GALNTL6: variants seen among roughly 807,000 people sequenced by gnomAD.
GALNTL6 encodes the protein polypeptide N-acetylgalactosaminyltransferase like 6.
GALNTL6 carries 46 observed loss-of-function variants against 73.7 expected under a neutral mutation model. That is an observed-to-expected ratio of 0.62 (90% CI 0.49 to 0.80). The LOEUF (loss-of-function observed/expected upper bound fraction) is 0.80, where lower values mean the gene tolerates loss of function less well. Ranked by LOEUF, GALNTL6 falls within the 30% of genes least tolerant of loss-of-function variation. The pLI is 0.00. For synonymous variants in GALNTL6, 259 were observed against 263.7 expected (o/e 0.98, Z 0.17); for missense variants, 604 against 755.0 (o/e 0.80, Z 2.34).
At chr4:172,635,239 A>G (rs1440022141) in intron 5 of GALNTL6, among the ~76,000 whole-genome samples, 2 of 152,174 alleles carry the variant, frequency 1.3e-5, no homozygotes, top group African/African-American at 4.8e-5. Flanking sequence ...TAAATGTTAT[A>G]TAAATCAGTT....
At chr4:172,564,774 A>G (rs188310909) in intron 5 of GALNTL6, among the ~76,000 whole-genome samples, 115 of 152,364 alleles carry the variant, frequency 7.5e-4, no homozygotes, top group Non-Finnish European at 8.7e-4. Flanking sequence ...AGGAGAATCC[A>G]GAGAGACAGA....
In GALNTL6 at chr4:172,427,209, G is replaced by A. The variant is rs369585830; in HGVS notation, c.553+78520G>A. ...ACCCAAGACTGGGTAATTTATAAAG[G>A]AAAGAGGTTTAATGGATTCACAGTT... On this transcript the variant is annotated intron_variant, in intron 5 of 12. Transcript: ENST00000506823. Among the ~76,000 whole-genome samples, 35 of 152,198 alleles carry A rather than the reference G, an allele frequency of 2.3e-4. No individual in the cohort carries two copies. In the South Asian group the frequency reaches 2.7e-3, roughly 12 times the overall value.
At chr4:172,965,362 G>A (rs561155697) in intron 10 of GALNTL6, among the ~76,000 whole-genome samples, 2 of 152,242 alleles carry the variant, frequency 1.3e-5, no homozygotes, top group East Asian at 3.9e-4. Context: ...TGAGGCAGGA[G>A]GATCACAAGG....
intron 8 of GALNTL6, among the ~76,000 whole-genome samples, chr4:172,896,191 C>A (rs145792029): frequency 1.3e-5 from 2 of 152,284 alleles, no homozygotes; most frequent in African/African-American, 4.8e-5. Context: ...GGATATGGAA[C>A]AATGTCTACA....
intron 5 of GALNTL6, among the ~76,000 whole-genome samples, chr4:172,529,820 G>T (rs1735107853): frequency 6.6e-6 from 1 of 151,054 alleles, no homozygotes; most frequent in African/African-American, 2.4e-5. Context: ...CAAGTAGCTG[G>T]GATTACAGGC....
chr4:172,772,386 T>C (rs1320356070), intron 5 of GALNTL6, among the ~76,000 whole-genome samples: 1 of 152,188 alleles, frequency 6.6e-6, no homozygotes, highest in Non-Finnish European at 1.5e-5. Flanking sequence ...CTGTTTGGTT[T>C]TGTGGGTGAT....
intron 11 of GALNTL6, among the ~76,000 whole-genome samples, chr4:173,010,236 T>A (rs1439425941): frequency 6.6e-6 from 1 of 152,136 alleles, no homozygotes; most frequent in Non-Finnish European, 1.5e-5. Flanking sequence ...GATTTTTAGA[T>A]CCCACAAATA....
intron 3 of GALNTL6, among the ~76,000 whole-genome samples, chr4:172,281,425 A>T (rs116251001): frequency 6.6e-6 from 1 of 151,738 alleles, no homozygotes; most frequent in East Asian, 2.0e-4. Context: ...ACCAGGCGTG[A>T]TGTTCACGCC....
chr4:172,078,162 G>T (rs947771432), intron 2 of GALNTL6, among the ~76,000 whole-genome samples: 5 of 152,180 alleles, frequency 3.3e-5, no homozygotes, highest in African/African-American at 1.2e-4. Context: ...GAGCCCTCAT[G>T]GAGAACCTCT....
chr4:172,844,794 G>C (rs369639763), intron 7 of GALNTL6, among the ~76,000 whole-genome samples: 2 of 152,130 alleles, frequency 1.3e-5, no homozygotes, highest in African/African-American at 4.8e-5. Context: ...ATTGTTGCCA[G>C]TTTCTAATTA....
chr4:172,023,494 G>T (rs1579067875), intron 2 of GALNTL6, among the ~76,000 whole-genome samples: 2 of 151,828 alleles, frequency 1.3e-5, no homozygotes, highest in African/African-American at 2.4e-5. Context: ...AACTTTGAAT[G>T]ATGTTTAAAC....
chr4:172,389,740 C>T (rs1423212641), intron 5 of GALNTL6, among the ~76,000 whole-genome samples: 1 of 151,994 alleles, frequency 6.6e-6, no homozygotes, highest in African/African-American at 2.4e-5. Flanking sequence ...ACTTAAGTAA[C>T]AATATTTGAC....
chr4:172,662,972 T>A (rs1253128944), intron 5 of GALNTL6, among the ~76,000 whole-genome samples: 1 of 152,100 alleles, frequency 6.6e-6, no homozygotes, highest in East Asian at 1.9e-4. Flanking sequence ...CATTTGAACA[T>A]CTGGAGAAAG....
rs1303119604 is a variant in GALNTL6 at position 172,606,553 on chromosome 4, A to ATATATATATATACATATACATAGTATATG, written c.554-202797_554-202769dup. Among the ~76,000 whole-genome samples the ATATATATATATACATATACATAGTATATG allele has an allele frequency of 9.5e-3, 1,214 of 128,184 alleles. 36 individuals carry two copies. Among genetic ancestry groups the ATATATATATATACATATACATAGTATATG allele is most frequent in the African/African-American group, 0.033 (1,153 of 35,442 alleles). The allele number at this position is 128,184 out of a possible 152,430, so 84.1% of individuals were successfully genotyped here. On this transcript the variant is annotated intron_variant, in intron 5 of 12. Coordinates refer to ENST00000506823, the MANE Select transcript of GALNTL6 (RefSeq NM_001034845.3). ...ACATGGATATAAGAAGGAAGTGTATATATATATATATACATATACATAGTA... is the reference window on the plus strand; with the variant it reads ...ACATGGATATAAGAAGGAAGTGTATATATATATATATACATATACATAGTATATGTATATATATATACATATACATAGTA...
At chr4:172,227,017 G>T (rs1736890063) in intron 2 of GALNTL6, among the ~76,000 whole-genome samples, 1 of 151,892 alleles carries the variant, frequency 6.6e-6, no homozygotes, top group African/African-American at 2.4e-5. Context: ...TTTCTTTTTG[G>T]TCTCTTAATT....
chr4:172,088,290 A>T (rs1230236640), intron 2 of GALNTL6, among the ~76,000 whole-genome samples: 1 of 152,220 alleles, frequency 6.6e-6, no homozygotes, highest in Admixed American at 6.5e-5. Context: ...TAAGATTATT[A>T]GCCCTCTTCA....
chr4:172,958,252 C>T (rs1749855580), intron 10 of GALNTL6, among the ~76,000 whole-genome samples: 1 of 152,206 alleles, frequency 6.6e-6, no homozygotes, highest in African/African-American at 2.4e-5. Flanking sequence ...TGCACGCAGA[C>T]TTGAGGGCTA....
chr4:171,858,833 G>C (rs1277448925), intron 2 of GALNTL6, among the ~76,000 whole-genome samples: 1 of 151,812 alleles, frequency 6.6e-6, no homozygotes, highest in African/African-American at 2.4e-5. Context: ...TAAAGCTCAG[G>C]AAAAACTCCT....
chr4:172,177,791 A>ATATATATGTGTGTG (rs1735074551), intron 2 of GALNTL6, among the ~76,000 whole-genome samples: 1 of 101,738 alleles, frequency 9.8e-6, no homozygotes, highest in Non-Finnish European at 2.1e-5. Flanking sequence ...ACACATGTGT[A>ATATATATGTGTGTG]TATATATACA....
Sources: allele counts gnomAD v4.1 joint callset (sites outside exome capture counted in the v4.1 genomes callset), GRCh38; gene constraint gnomAD v4.1.1; transcripts MANE v1.5; gene names NCBI Gene and HGNC (gene_info 2026-07-23, HGNC 2026-07-21).